KLHL13: variants seen among roughly 807,000 people sequenced by gnomAD.
KLHL13 encodes kelch-like protein 13.
In KLHL13, 10 loss-of-function variants were observed where a neutral mutation model predicts 37.1. The observed-to-expected ratio is 0.27, with a 90% CI of 0.17 to 0.46. KLHL13 has a LOEUF of 0.46. Among genes scored for constraint, KLHL13 ranks in the 20% least tolerant of loss-of-function variants. KLHL13 has a pLI of 1.00. For synonymous variants in KLHL13, 163 were observed against 181.2 expected (o/e 0.90, Z 0.81); for missense variants, 360 against 509.3 (o/e 0.71, Z 2.82).
At chrX:118,032,967 G>A (rs767987836) in intron 1 of KLHL13, among the ~76,000 whole-genome samples, 95 of 111,684 alleles carry the variant, frequency 8.5e-4, no homozygotes, top group African/African-American at 3.0e-3. Flanking sequence ...GAGCCGATGC[G>A]ATCAAATGGA....
chrX:118,069,176 C>T (rs1742846070), intron 1 of KLHL13, among the ~76,000 whole-genome samples: 1 of 107,336 alleles, frequency 9.3e-6, no homozygotes, highest in African/African-American at 3.5e-5. Context: ...CTGAAAATTG[C>T]CCCCTTGGGA....
At position 118,081,940 on chromosome X, in the gene KLHL13, T is replaced by TTGTGTG. The variant is rs762989393; in HGVS notation, c.-56+34562_-56+34567dup. On this transcript the variant is annotated intron_variant, in intron 1 of 6. Coordinates refer to the KLHL13 transcript ENST00000371882. ...CTTTTTAAGGCTGAATAGTATTCCA[T>TTGTGTG]TGTGTGTGTGTGTGTGTGTGTGTGT... 6.2e-3 allele frequency among the ~76,000 whole-genome samples: 605 copies of TTGTGTG among 97,684 alleles called. 5 individuals are homozygous for TTGTGTG. Among genetic ancestry groups the TTGTGTG allele is most frequent in the African/African-American group, 0.012 (325 of 26,795 alleles). The allele number at this position is 97,684 out of a possible 115,157, so 84.8% of individuals were successfully genotyped here.
At chrX:117,997,806 T>G (rs781268023) in intron 1 of KLHL13, among the ~76,000 whole-genome samples, 95 of 111,973 alleles carry the variant, frequency 8.5e-4, no homozygotes, top group African/African-American at 2.9e-3. Context: ...TATGTATTGA[T>G]GTATCTATTT....
upstream of KLHL13, among the ~76,000 whole-genome samples, chrX:117,976,587 C>T (rs1005587324): frequency 3.6e-5 from 4 of 111,849 alleles, no homozygotes; most frequent in African/African-American, 1.3e-4. Context: ...TAATTTTATG[C>T]AGGCTCAGTG....
intron 1 of KLHL13, among the ~76,000 whole-genome samples, chrX:118,047,888 G>T (rs771701514): frequency 1.8e-5 from 2 of 111,994 alleles, no homozygotes; most frequent in South Asian, 7.5e-4. Flanking sequence ...AACCAGGAAG[G>T]TGTGGTAACC....
intron 1 of KLHL13, among the ~76,000 whole-genome samples, chrX:117,981,046 T>C (rs1248900264): frequency 1.8e-5 from 2 of 112,223 alleles, no homozygotes; most frequent in Non-Finnish European, 3.8e-5. Context: ...TTTTAAATTC[T>C]ACAAACAGCT....
chrX:118,001,283 A>G (rs1379029925), intron 1 of KLHL13, among the ~76,000 whole-genome samples: 1 of 111,728 alleles, frequency 9.0e-6, no homozygotes, highest in African/African-American at 3.3e-5. Flanking sequence ...GGGCAGGACT[A>G]TCGTAATAGG....
Position 118,094,502 on chromosome X carries a change from A to C in KLHL13, c.-56+22006T>G, listed in dbSNP as rs1388259310. ...TCCAGGAGAACTTCCCCAATCTAGC[A>C]AGGCAGGCCAACATTCAGATTCAGG... On this transcript the variant is annotated intron_variant, in intron 1 of 6. Coordinates refer to the KLHL13 transcript ENST00000371882. Among the ~76,000 whole-genome samples, 10 of 111,386 alleles carry C rather than the reference A, an allele frequency of 9.0e-5. No individual in the cohort carries two copies. In the Admixed American group the frequency reaches 9.6e-4, roughly 11 times the overall value.
At position 118,094,023 on chromosome X, in the gene KLHL13, CA is replaced by C. The variant is rs66467607; in HGVS notation, c.-56+22484del. ...TCACCAGCAACGGAACAAAGCTGGACAGAGAATGACTTTGACGAGTTGAGAG... is the reference window on the plus strand; with the variant it reads ...TCACCAGCAACGGAACAAAGCTGGACGAGAATGACTTTGACGAGTTGAGAG... On this transcript the variant is annotated intron_variant, in intron 1 of 6. Coordinates refer to the KLHL13 transcript ENST00000371882. Among the ~76,000 whole-genome samples, 888 of 109,519 alleles carry C rather than the reference CA, an allele frequency of 8.1e-3. 10 individuals are homozygous for C. The highest frequency in any genetic ancestry group is 0.026 in the African/African-American group (786 of 30,062).
exon 7 of KLHL13, chrX:117,898,314 A>C (rs1929863747): frequency 8.9e-6 from 1 of 112,711 alleles, no homozygotes; most frequent in African/African-American, 3.2e-5. Flanking sequence ...TAGTGAATTT[A>C]AGCTACTTCT....
chrX:118,100,135 C>G (rs2055271980), intron 1 of KLHL13, among the ~76,000 whole-genome samples: 1 of 108,261 alleles, frequency 9.2e-6, no homozygotes, highest in African/African-American at 3.6e-5. Flanking sequence ...GCTTATTGTT[C>G]TTCTTATTTT....
At chrX:117,938,809 T>C (rs2147776294) in intron 2 of KLHL13, among the ~76,000 whole-genome samples, 1 of 111,115 alleles carries the variant, frequency 9.0e-6, no homozygotes, top group East Asian at 2.8e-4. Context: ...TATTCTCTCT[T>C]CCCATAACTT....
intron 1 of KLHL13, among the ~76,000 whole-genome samples, chrX:118,098,024 G>T: frequency 8.9e-6 from 1 of 111,814 alleles, no homozygotes; most frequent in East Asian, 2.8e-4. Context: ...CATGGGCAAG[G>T]ACTTCATGTC....
intron 1 of KLHL13, among the ~76,000 whole-genome samples, chrX:118,006,827 C>A (rs939801941): frequency 1.8e-5 from 2 of 111,775 alleles, no homozygotes; most frequent in African/African-American, 6.5e-5. Context: ...TCACATTCTG[C>A]CTTTACAACA....
At chrX:117,926,547 C>T (rs751146327) in intron 2 of KLHL13, among the ~76,000 whole-genome samples, 1 of 111,544 alleles carries the variant, frequency 9.0e-6, no homozygotes, top group African/African-American at 3.3e-5. Flanking sequence ...GGAAACCTTA[C>T]AAGGCTGGGG....
intron 4 of KLHL13, among the ~76,000 whole-genome samples, chrX:117,919,259 G>A (rs1454177553): frequency 8.9e-6 from 1 of 112,043 alleles, no homozygotes; most frequent in Non-Finnish European, 1.9e-5. Context: ...CCCAACCTTA[G>A]ACGATCTGCC....
At chrX:118,096,432 A>T (rs1209150251) in intron 1 of KLHL13, among the ~76,000 whole-genome samples, 2 of 112,018 alleles carry the variant, frequency 1.8e-5, no homozygotes, top group Admixed American at 9.5e-5. Flanking sequence ...TTGAGGCAAT[A>T]ATTAATAGCT....
intron 1 of KLHL13, among the ~76,000 whole-genome samples, chrX:118,000,083 T>C (rs1336429808): frequency 2.7e-5 from 3 of 112,109 alleles, no homozygotes; most frequent in Non-Finnish European, 5.6e-5. Flanking sequence ...GTTAACCCCA[T>C]CTGATGGATA....
At chrX:118,037,518 C>G (rs1284767118) in intron 1 of KLHL13, among the ~76,000 whole-genome samples, 1 of 103,985 alleles carries the variant, frequency 9.6e-6, no homozygotes, top group Non-Finnish European at 2.0e-5. Flanking sequence ...ACCGCTTATT[C>G]TCACTCATAG....
Sources: allele counts gnomAD v4.1 joint callset (sites outside exome capture counted in the v4.1 genomes callset), GRCh38; gene constraint gnomAD v4.1.1; transcripts MANE v1.5; gene names NCBI Gene and HGNC (gene_info 2026-07-23, HGNC 2026-07-21).